The following ABCG8 variants were observed in gnomAD, a reference collection of about 807,000 sequenced individuals.
ABCG8 encodes the protein ATP binding cassette subfamily G member 8.
A neutral mutation model predicts 71.3 loss-of-function variants in ABCG8; 81 were observed. The observed-to-expected ratio is 1.14, with a 90% confidence interval of 0.95 to 1.37. The LOEUF is 1.37. ABCG8 is among the 40% of genes most tolerant of loss of function. ABCG8 has a pLI of 0.00. For missense variants in ABCG8, 1,119 were observed against 866.2 expected, an observed-to-expected ratio of 1.29 and a Z score of -3.66; for synonymous variants, 451 against 354.7, an observed-to-expected ratio of 1.27 and a Z score of -3.05.
intron 6 of ABCG8, among the ~76,000 whole-genome samples, chr2:43,861,836 A>C (rs770942627): frequency 6.6e-6 from 1 of 151,314 alleles, no homozygotes; most frequent in Non-Finnish European, 1.5e-5. Context: ...CTCTGGGTAG[A>C]ACTCTCACTA....
chr2:43,857,575 C>T (rs1171392682), intron 6 of ABCG8, among the ~76,000 whole-genome samples: 1 of 151,666 alleles, frequency 6.6e-6, no homozygotes, highest in Non-Finnish European at 1.5e-5. Flanking sequence ...GGATAGAATT[C>T]TCACTCTCTC....
In ABCG8 at chr2:43,839,048, G is replaced by A. The variant is rs566362108; in HGVS notation, c.-6G>A. The A allele has an allele frequency of 1.9e-6, 3 of 1,550,796 alleles. No homozygotes were observed. The highest frequency in any genetic ancestry group is 2.6e-6 in the Non-Finnish European group (3 of 1,146,760). Reference sequence around the variant, plus strand: ...TGCAGCCCAGGGTCACAGACCTGTGGGCCCCATGGCCGGGAAGGCGGCAGA... The same window carrying A: ...TGCAGCCCAGGGTCACAGACCTGTGAGCCCCATGGCCGGGAAGGCGGCAGA... On this transcript the variant is annotated 5_prime_UTR_variant, in exon 1 of 13. Transcript: ENST00000272286.
At chr2:43,846,088 A>G in intron 2 of ABCG8, 67 bp from the exon 3 acceptor site, 1 of 1,581,014 alleles carries the variant, frequency 6.3e-7, no homozygotes, top group Non-Finnish European at 8.7e-7. Context: ...GAAGATGCTG[A>G]ACAGAAGTTG....
At chr2:43,869,144 TCTCA>T (rs1385344565) in intron 6 of ABCG8, among the ~76,000 whole-genome samples, 2 of 152,112 alleles carry the variant, frequency 1.3e-5, no homozygotes, top group African/African-American at 4.8e-5. Flanking sequence ...TGGATAGATC[TCTCA>T]CTATCTGTCT....
Position 43,857,715 on chromosome 2 carries a change from G to A in ABCG8, c.964+4847G>A, listed in dbSNP as rs958434804. Reference sequence around the variant, plus strand: ...CAGGATAGAACTCTTACTACCTGGAGAGAACTCTCACTATCTGGATAGAAT... The same window carrying A: ...CAGGATAGAACTCTTACTACCTGGAAAGAACTCTCACTATCTGGATAGAAT... On this transcript the variant is annotated intron_variant, in intron 6 of 12. Transcript: ENST00000272286. Among the ~76,000 whole-genome samples the A allele has an allele frequency of 2.7e-5, 4 of 150,818 alleles. No individual in the cohort carries two copies. In the East Asian group the frequency reaches 7.9e-4, roughly 30 times the overall value.
In ABCG8 at chr2:43,869,661, CTCTA is replaced by C. The variant is rs1214889647; in HGVS notation, c.965-2307_965-2304del. Among the ~76,000 whole-genome samples, 11 of 152,022 alleles carry C rather than the reference CTCTA, an allele frequency of 7.2e-5. No homozygotes were observed. In the East Asian group the frequency reaches 1.6e-3, roughly 22 times the overall value. ...ACTGTCACCCTGTGGATAGAAATTT[CTCTA>C]TCTATCTGGATAGAATTCTCCCTCT... is the stretch of plus-strand genomic sequence containing the variant. On this transcript the variant is annotated intron_variant, in intron 6 of 12. Coordinates refer to ENST00000272286, the MANE Select transcript of ABCG8 (RefSeq NM_022437.3).
At chr2:43,846,455 A>G (rs1668746548) in intron 3 of ABCG8, 144 bp downstream of exon 3, 3 of 1,239,658 alleles carry the variant, frequency 2.4e-6, no homozygotes, top group South Asian at 2.6e-5. Flanking sequence ...GTTCTGGGTC[A>G]GACAGACCTG....
chr2:43,860,646 G>C (rs933089370), intron 6 of ABCG8, among the ~76,000 whole-genome samples: 1 of 143,828 alleles, frequency 7.0e-6, no homozygotes, highest in East Asian at 2.1e-4. Context: ...TAGAACTCTC[G>C]CTATCTGGAT....
chr2:43,845,897 C>T (rs1286689017), intron 2 of ABCG8, among the ~76,000 whole-genome samples: 2 of 152,222 alleles, frequency 1.3e-5, no homozygotes, highest in East Asian at 1.9e-4. Flanking sequence ...GCTGAGATTA[C>T]AGGCATGAGC....
chr2:43,853,318 C>G (rs1169954829), intron 6 of ABCG8, among the ~76,000 whole-genome samples: 1 of 152,186 alleles, frequency 6.6e-6, no homozygotes, highest in African/African-American at 2.4e-5. Flanking sequence ...GCCAGGGAAT[C>G]TCTAGATGTG....
chr2:43,845,240 C>T (rs1280542082), intron 2 of ABCG8, among the ~76,000 whole-genome samples: 1 of 151,940 alleles, frequency 6.6e-6, no homozygotes, highest in Non-Finnish European at 1.5e-5. Flanking sequence ...GATCCATATT[C>T]CCACAGCTCC....
At chr2:43,842,214 T>C (rs1286007507) in intron 1 of ABCG8, among the ~76,000 whole-genome samples, 1 of 152,116 alleles carries the variant, frequency 6.6e-6, no homozygotes, top group East Asian at 1.9e-4. Context: ...GGTTTCACTG[T>C]TTTGGCCAAG....
intron 6 of ABCG8, among the ~76,000 whole-genome samples, chr2:43,867,015 C>T (rs149956799): frequency 0.17 from 25,405 of 151,478 alleles, 2,920 homozygotes; most frequent in Non-Finnish European, 0.25. Flanking sequence ...ACTATGCAGC[C>T]ATAAAAAATG....
At position 43,882,963 on chromosome 2, in the gene ABCG8, T is replaced by TA. The variant is rs1226543202; in HGVS notation, c.*5055dup. 13 of 152,214 alleles carry TA rather than the reference T, an allele frequency of 8.5e-5. No individual in the cohort carries two copies. Among genetic ancestry groups the TA allele is most frequent in the African/African-American group, 3.1e-4 (13 of 41,440 alleles). The allele number at this position is 152,214 out of a possible 1,614,324, so 9.4% of individuals were successfully genotyped here. A position where few individuals can be genotyped will look rare whatever the true frequency, so the allele number is the denominator to read the frequency against. ...GCTAATAAGCTCTACTGACCCATGC[T>TA]AAAAATAAAGCTCTTTCGGCTGGGC... On this transcript the variant is annotated 3_prime_UTR_variant, in exon 13 of 13. Coordinates refer to ENST00000272286, the MANE Select transcript of ABCG8 (RefSeq NM_022437.3).
chr2:43,864,433 A>G (rs1669448079), intron 6 of ABCG8, among the ~76,000 whole-genome samples: 1 of 151,240 alleles, frequency 6.6e-6, no homozygotes, highest in East Asian at 2.0e-4. Context: ...TCTGAATAGA[A>G]CTGTCAGTAT....
intron 6 of ABCG8, among the ~76,000 whole-genome samples, chr2:43,865,314 C>A (rs1419117154): frequency 7.0e-6 from 1 of 142,114 alleles, no homozygotes; most frequent in East Asian, 1.9e-4. Flanking sequence ...CTGCATAGAA[C>A]TGTCACTATC....
At chr2:43,865,632 T>TCA (rs1368807610) in intron 6 of ABCG8, among the ~76,000 whole-genome samples, 1 of 151,408 alleles carries the variant, frequency 6.6e-6, no homozygotes, top group Non-Finnish European at 1.5e-5. Flanking sequence ...GATAGAATTC[T>TCA]CCCTACTGAT....
chr2:43,854,683 G>T (rs569097001), intron 6 of ABCG8, among the ~76,000 whole-genome samples: 3 of 151,954 alleles, frequency 2.0e-5, no homozygotes, highest in South Asian at 4.2e-4. Flanking sequence ...AGAGGAGTGG[G>T]GAACCTCTAG....
intron 6 of ABCG8, among the ~76,000 whole-genome samples, chr2:43,854,356 A>G (rs1472564906): frequency 9.2e-5 from 14 of 152,194 alleles, no homozygotes; most frequent in Non-Finnish European, 2.9e-5. Flanking sequence ...GGCCGGGTGC[A>G]GTGGCTCATG....
Sources: allele counts gnomAD v4.1 joint callset (sites outside exome capture counted in the v4.1 genomes callset), GRCh38; gene constraint gnomAD v4.1.1; transcripts MANE v1.5; gene names NCBI Gene and HGNC (gene_info 2026-07-23, HGNC 2026-07-21).